CNTN4: variants seen among roughly 807,000 people sequenced by gnomAD.
CNTN4 encodes contactin 4, also known as contactin-4.
A neutral mutation model predicts 122.5 loss-of-function variants in CNTN4; 77 were observed. The observed-to-expected ratio is 0.63, with a 90% confidence interval of 0.52 to 0.76. The LOEUF (loss-of-function observed/expected upper bound fraction) is 0.76. CNTN4 is among the 30% of genes least tolerant of loss of function. The pLI, the probability that CNTN4 is intolerant of heterozygous loss-of-function variation, is 0.00. For missense variants in CNTN4, 1,256 were observed against 1,259.1 expected, an observed-to-expected ratio of 1.00 and a Z score of 0.04; for synonymous variants, 512 against 447.0, an observed-to-expected ratio of 1.15 and a Z score of -1.83.
chr3:2,909,739 A>C (rs2094278875), intron 12 of CNTN4, among the ~76,000 whole-genome samples: 1 of 152,240 alleles, frequency 6.6e-6, no homozygotes, highest in South Asian at 2.1e-4. Context: ...TTTATCGTGC[A>C]TCACAGTAAT....
intron 3 of CNTN4, among the ~76,000 whole-genome samples, chr3:2,526,391 C>A (rs2077399398): frequency 6.6e-6 from 1 of 152,084 alleles, no homozygotes; most frequent in Non-Finnish European, 1.5e-5. Flanking sequence ...TAAAATTCTC[C>A]TGCTTGGAAA....
intron 7 of CNTN4, among the ~76,000 whole-genome samples, chr3:2,830,747 A>G (rs1160605): frequency 0.45 from 68,168 of 151,990 alleles, 17,028 homozygotes; most frequent in East Asian, 0.8. Context: ...TGCTGGAAAT[A>G]TACCCTGTGA....
intron 4 of CNTN4, among the ~76,000 whole-genome samples, chr3:2,658,454 G>A (rs1349841564): frequency 3.9e-5 from 6 of 152,128 alleles, no homozygotes; most frequent in African/African-American, 1.4e-4. Flanking sequence ...CAGGTACCAT[G>A]GACACTCTCA....
intron 13 of CNTN4, among the ~76,000 whole-genome samples, chr3:2,953,967 A>G (rs1278529672): frequency 6.6e-6 from 1 of 152,230 alleles, no homozygotes; most frequent in Non-Finnish European, 1.5e-5. Flanking sequence ...TAAGTTTTCT[A>G]AATTAAGTCA....
intron 3 of CNTN4, among the ~76,000 whole-genome samples, chr3:2,339,965 G>C (rs1224791078): frequency 6.6e-6 from 1 of 152,170 alleles, no homozygotes; most frequent in Admixed American, 6.5e-5. Flanking sequence ...CTTGGCTTCA[G>C]ATGCATCAGT....
chr3:2,581,662 GC>G (rs545123672), intron 4 of CNTN4, among the ~76,000 whole-genome samples: 94 of 152,232 alleles, frequency 6.2e-4, no homozygotes, highest in African/African-American at 2.1e-3. Context: ...CAGAGAACCT[GC>G]AAATTGCATT....
chr3:2,350,497 A>C (rs1238709093), intron 3 of CNTN4, among the ~76,000 whole-genome samples: 127 of 152,188 alleles, frequency 8.3e-4, no homozygotes, highest in Non-Finnish European at 3.8e-4. Flanking sequence ...TTCTGAACAA[A>C]AGGGCCAGGA....
chr3:2,329,396 A>G (rs1255323870), intron 2 of CNTN4, among the ~76,000 whole-genome samples: 1 of 152,220 alleles, frequency 6.6e-6, no homozygotes, highest in Non-Finnish European at 1.5e-5. Context: ...TCTAAACGCC[A>G]TTATGTCACC....
At chr3:2,669,434 G>T (rs1174166826) in intron 4 of CNTN4, among the ~76,000 whole-genome samples, 1 of 152,142 alleles carries the variant, frequency 6.6e-6, no homozygotes, top group Non-Finnish European at 1.5e-5. Context: ...GATCAGTGGT[G>T]ATATCCCCTT....
rs546981048 is a variant in CNTN4, at chr3:2,587,147, G to A, written c.55+15589G>A. Among the ~76,000 whole-genome samples the A allele has an allele frequency of 1.0e-3, 152 of 152,136 alleles. 1 individual carries two copies. The highest frequency in any genetic ancestry group is 3.6e-3 in the African/African-American group (148 of 41,498). On this transcript the variant is annotated intron_variant, in intron 4 of 24. Coordinates refer to ENST00000418658, the MANE Select transcript of CNTN4 (RefSeq NM_175607.3). Reference sequence around the variant, plus strand: ...ATGTATTCCATATACATTATCTTCTGTACTTCTTTAAAGGCAAATGTGAAA... The same window carrying A: ...ATGTATTCCATATACATTATCTTCTATACTTCTTTAAAGGCAAATGTGAAA...
At chr3:2,794,820 T>C (rs1378452507) in intron 6 of CNTN4, among the ~76,000 whole-genome samples, 1 of 152,220 alleles carries the variant, frequency 6.6e-6, no homozygotes. Flanking sequence ...TAGGGCCTAC[T>C]TCCTGGTTCA....
intron 3 of CNTN4, among the ~76,000 whole-genome samples, chr3:2,548,461 G>A (rs918118111): frequency 1.3e-5 from 2 of 152,040 alleles, no homozygotes; most frequent in Admixed American, 6.6e-5. Flanking sequence ...TTTTTGTCAG[G>A]TTCTTCAAAG....
chr3:2,583,171 G>A (rs553335229), intron 4 of CNTN4, among the ~76,000 whole-genome samples: 15 of 152,316 alleles, frequency 9.8e-5, no homozygotes, highest in African/African-American at 3.6e-4. Context: ...ATAAACTTGA[G>A]CTAGAGAAGA....
intron 4 of CNTN4, among the ~76,000 whole-genome samples, chr3:2,666,004 C>T (rs773613847): frequency 7.9e-5 from 12 of 152,166 alleles, no homozygotes; most frequent in Non-Finnish European, 1.8e-4. Context: ...TAGAATACAG[C>T]TTGTAATTAT....
At chr3:2,612,762 G>C (rs1320867403) in intron 4 of CNTN4, among the ~76,000 whole-genome samples, 2 of 152,110 alleles carry the variant, frequency 1.3e-5, no homozygotes, top group Non-Finnish European at 2.9e-5. Context: ...ATAAAATAGA[G>C]TAATATGCCA....
chr3:2,308,472 A>G (rs2150123034), intron 2 of CNTN4, among the ~76,000 whole-genome samples: 1 of 152,054 alleles, frequency 6.6e-6, no homozygotes, highest in Admixed American at 6.5e-5. Context: ...CAAGGTGGAA[A>G]GTTAAGTTAT....
chr3:2,492,063 T>C (rs942094573), intron 3 of CNTN4, among the ~76,000 whole-genome samples: 11 of 152,340 alleles, frequency 7.2e-5, no homozygotes, highest in Non-Finnish European at 1.2e-4. Context: ...AAAAAATCTA[T>C]GCACCTTTCT....
At chr3:2,533,819 G>A (rs1287328313) in intron 3 of CNTN4, among the ~76,000 whole-genome samples, 5 of 152,110 alleles carry the variant, frequency 3.3e-5, no homozygotes, top group South Asian at 4.1e-4. Flanking sequence ...GTGTGAGATG[G>A]TGTCTCATTG....
At chr3:2,822,715 T>C (rs751126348) in intron 7 of CNTN4, among the ~76,000 whole-genome samples, 1 of 152,206 alleles carries the variant, frequency 6.6e-6, no homozygotes, top group Non-Finnish European at 1.5e-5. Flanking sequence ...GGAGTGATGC[T>C]GTGCTGCTAC....
Sources: gnomAD v4.1 joint callset for allele counts (sites outside exome capture counted in the v4.1 genomes callset) on GRCh38, gnomAD v4.1.1 for gene constraint, MANE v1.5 for transcripts, NCBI Gene and HGNC (gene_info 2026-07-23, HGNC 2026-07-21) for gene names.